The following VWA3B variants were observed in gnomAD, a reference collection of about 807,000 sequenced individuals.
VWA3B encodes the protein von Willebrand factor A domain containing 3B, also known as von Willebrand factor A domain-containing protein 3B.
Under a neutral mutation model 158.3 loss-of-function variants are expected in VWA3B, and 138 were observed. That is an observed-to-expected ratio of 0.87 (90% CI 0.76 to 1.00). The LOEUF (loss-of-function observed/expected upper bound fraction) is 1.00, where lower values mean the gene tolerates loss of function less well. Ranked by LOEUF, VWA3B falls within the 50% of genes least tolerant of loss-of-function variation. VWA3B has a pLI of 0.00. For synonymous variants in VWA3B, 596 were observed against 587.3 expected (o/e 1.01, Z -0.21); for missense variants, 1,555 against 1,565.1 (o/e 0.99, Z 0.11).
In VWA3B at chr2:98,303,851, AC is replaced by A. The variant is rs778924928; in HGVS notation, c.3521+51del. On this transcript the variant is annotated intron_variant, in intron 26 of 27. Transcript: ENST00000477737. ...CTTGAATATTAATTTATATCCTTGC[AC>A]CTTTAATCTGTTTTTGAGATGAGAT... The A allele has an allele frequency of 5.8e-6, 9 of 1,565,086 alleles. No individual in the cohort carries two copies. The Admixed American group carries it at 1.5e-4, about 26-fold the overall frequency.
chr2:98,163,563 CA>C (rs1158467114), intron 8 of VWA3B, among the ~76,000 whole-genome samples: 2 of 152,034 alleles, frequency 1.3e-5, no homozygotes, highest in Admixed American at 6.6e-5. Flanking sequence ...ACAACAATAA[CA>C]ATAACAAAAC....
chr2:98,114,650 A>G (rs1674388728), intron 2 of VWA3B, among the ~76,000 whole-genome samples: 1 of 152,208 alleles, frequency 6.6e-6, no homozygotes, highest in South Asian at 2.1e-4. Flanking sequence ...AATAATAATT[A>G]AAATTACAAT....
intron 9 of VWA3B, among the ~76,000 whole-genome samples, chr2:98,182,465 A>T (rs933091828): frequency 6.6e-6 from 1 of 152,236 alleles, no homozygotes; most frequent in East Asian, 1.9e-4. Flanking sequence ...AGAAAAATGC[A>T]GAATTGATGC....
chr2:98,109,917 TTTTA>T (rs1438718817), intron 2 of VWA3B, among the ~76,000 whole-genome samples: 4 of 152,000 alleles, frequency 2.6e-5, no homozygotes, highest in East Asian at 1.9e-4. Flanking sequence ...TTAAAGATTT[TTTTA>T]TTTGTCTTTT....
chr2:98,305,672 G>A (rs62155312), intron 26 of VWA3B, among the ~76,000 whole-genome samples: 2 of 151,914 alleles, frequency 1.3e-5, no homozygotes, highest in African/African-American at 4.8e-5. Context: ...CACAAGTCAC[G>A]GAGCTGTCCA....
chr2:98,111,816 T>G (rs543762904), intron 2 of VWA3B, among the ~76,000 whole-genome samples: 3 of 152,328 alleles, frequency 2.0e-5, no homozygotes, highest in Non-Finnish European at 4.4e-5. Flanking sequence ...ATGCACAGTT[T>G]GCAAATATTT....
intron 12 of VWA3B, among the ~76,000 whole-genome samples, chr2:98,208,255 G>A (rs899890086): frequency 6.6e-6 from 1 of 151,912 alleles, no homozygotes; most frequent in Non-Finnish European, 1.5e-5. Flanking sequence ...ACGTTGTTAT[G>A]CCTGAAGTGA....
At chr2:98,282,528 T>C (rs1025022204) in intron 22 of VWA3B, among the ~76,000 whole-genome samples, 6 of 150,190 alleles carry the variant, frequency 4.0e-5, no homozygotes, top group African/African-American at 1.5e-4. Context: ...ACTTCCGCCT[T>C]CCAGGTTTAA....
chr2:98,099,678 A>T (rs1682951785), intron 2 of VWA3B, among the ~76,000 whole-genome samples: 1 of 152,170 alleles, frequency 6.6e-6, no homozygotes, highest in African/African-American at 2.4e-5. Context: ...CTACCCCTTT[A>T]TCATTCTCTA....
chr2:98,230,446 A>G (rs1350001292), intron 16 of VWA3B, among the ~76,000 whole-genome samples: 1 of 152,178 alleles, frequency 6.6e-6, no homozygotes, highest in African/African-American at 2.4e-5. Flanking sequence ...CAGGATATTG[A>G]TATTGATGCA....
chr2:98,312,056 C>T, intron 27 of VWA3B, 24 bp downstream of exon 27: 1 of 1,591,882 alleles, frequency 6.3e-7, no homozygotes, highest in South Asian at 1.1e-5. Context: ...GGGGGGAACA[C>T]AACATCGCTT....
chr2:98,194,501 G>C lies in VWA3B; in HGVS notation c.1737+9G>C, dbSNP rs1382938013. ...GGATTAGAGACATAAAGGTAAGTTG[G>C]AGACTAAGCTGGGAGAAGCATCCTA... On this transcript the variant is annotated intron_variant, in intron 12 of 27. Transcript: ENST00000477737. 1.9e-6 allele frequency: 3 copies of C among 1,612,938 alleles called. No individual in the cohort carries two copies. Among genetic ancestry groups the C allele is most frequent in the Non-Finnish European group, 2.5e-6 (3 of 1,179,210 alleles).
Position 98,234,641 on chromosome 2 carries a change from C to G in VWA3B, c.2309-7C>G. On this transcript the variant is annotated splice_region_variant and splice_polypyrimidine_tract_variant and intron_variant, in intron 16 of 27. Transcript: ENST00000477737. The stretch of plus-strand genomic sequence containing the variant: ...TCCTTTAACTCTTCCCTCTGTGATA[C>G]CAACAGAATCAACCAAAACCAGCCT... 1 of 1,614,112 alleles carries G rather than the reference C, an allele frequency of 6.2e-7. No homozygotes were observed. Among genetic ancestry groups the G allele is most frequent in the Non-Finnish European group, 8.5e-7 (1 of 1,179,994 alleles).
rs532976988 is a variant in VWA3B at position 98,181,078 on chromosome 2, T to C, written c.1177T>C (p.Trp393Arg). The C allele has an allele frequency of 8.1e-6, 13 of 1,614,092 alleles. No individual in the cohort carries two copies. The highest frequency in any genetic ancestry group is 1.1e-5 in the Non-Finnish European group (13 of 1,180,040). ...AGAAGACACCTGGGACTCTAAGACA[T>C]GGCTGCAGAAATATGGCTTGAAGGC... Reference protein sequence around the residue: ...NPEDTWDSKTWLQKYGLKAQK... With the variant: ...NPEDTWDSKTRLQKYGLKAQK... Residue 393 changes from tryptophan (W) to arginine (R), a missense_variant, in exon 9 of 28, where the codon TGG becomes CGG. Trp to Arg is a moderately radical substitution (Grantham distance 101). Transcript: ENST00000477737.
At chr2:98,128,452 T>C (rs145266946) in intron 6 of VWA3B, 44 bp downstream of exon 6, 1 of 1,598,636 alleles carries the variant, frequency 6.3e-7, no homozygotes, top group African/African-American at 1.3e-5. Context: ...GCGGGTTGCC[T>C]GCTCACACAG....
chr2:98,168,200 A>G (rs913753955), intron 8 of VWA3B, among the ~76,000 whole-genome samples: 2 of 152,218 alleles, frequency 1.3e-5, no homozygotes, highest in Non-Finnish European at 2.9e-5. Flanking sequence ...CAGAGTTATA[A>G]CTGTATTCCA....
In VWA3B at chr2:98,093,064, T is replaced by C; in HGVS notation, c.-29T>C. 6.2e-6 allele frequency: 10 copies of C among 1,606,164 alleles called. No individual in the cohort carries two copies. Among genetic ancestry groups the C allele is most frequent in the Non-Finnish European group, 8.5e-6 (10 of 1,174,322 alleles). On this transcript the variant is annotated 5_prime_UTR_variant, in exon 2 of 28. Coordinates refer to ENST00000477737, the MANE Select transcript of VWA3B (RefSeq NM_144992.5). ...GAGTTTATGATTGCCCTTACAGGAG[T>C]TTGCTGTGACTTAGATCTTGATTCA...
chr2:98,219,074 A>AAC (rs1169474841), intron 14 of VWA3B, among the ~76,000 whole-genome samples: 2 of 152,334 alleles, frequency 1.3e-5, no homozygotes, highest in East Asian at 3.9e-4. Context: ...ATTACAAGAA[A>AAC]ACAAAAATAT....
chr2:98,318,712 C>T, the VWA3B span, among the ~76,000 whole-genome samples: 5 of 152,200 alleles, frequency 3.3e-5, no homozygotes, highest in East Asian at 3.9e-4. Context: ...GCACATGTAC[C>T]CCTGAACTTA....
Sources: allele counts gnomAD v4.1 joint callset (sites outside exome capture counted in the v4.1 genomes callset), GRCh38; gene constraint gnomAD v4.1.1; transcripts MANE v1.5; gene names NCBI Gene and HGNC (gene_info 2026-07-23, HGNC 2026-07-21).